The following EYS variants were observed in gnomAD, a reference collection of about 807,000 sequenced individuals.
The protein encoded by EYS is EGF-like photoreceptor maintenance factor.
A neutral mutation model predicts 282.1 loss-of-function variants in EYS; 250 were observed. The ratio of observed to expected loss-of-function variants is 0.89; its 90% CI spans 0.80 to 0.98. The LOEUF (loss-of-function observed/expected upper bound fraction) is 0.98, where lower values mean the gene tolerates loss of function less well. Ranked by LOEUF, EYS falls within the 50% of genes least tolerant of loss-of-function variation. EYS has a pLI of 0.00. For missense variants in EYS, 4,016 were observed against 3,709.0 expected (o/e 1.08, Z -2.15); for synonymous variants, 1,355 against 1,282.9 (o/e 1.06, Z -1.20).
chr6:64,129,197 A>G (rs1773883592), intron 31 of EYS, among the ~76,000 whole-genome samples: 1 of 152,178 alleles, frequency 6.6e-6, no homozygotes, highest in Non-Finnish European at 1.5e-5. Flanking sequence ...AAATTTTCAC[A>G]CACTAACTTC....
chr6:63,725,852 G>C (rs979814073), intron 42 of EYS, among the ~76,000 whole-genome samples: 2 of 152,014 alleles, frequency 1.3e-5, no homozygotes, highest in Non-Finnish European at 2.9e-5. Flanking sequence ...CATTTTCTGA[G>C]AGACAAGATC....
intron 22 of EYS, among the ~76,000 whole-genome samples, chr6:64,737,707 T>G (rs1410621236): frequency 6.6e-6 from 1 of 152,194 alleles, no homozygotes; most frequent in Non-Finnish European, 1.5e-5. Context: ...CCCAGTTTCT[T>G]ATGAACACAG....
chr6:64,049,338 T>C (rs1770731746), intron 33 of EYS, among the ~76,000 whole-genome samples: 1 of 152,206 alleles, frequency 6.6e-6, no homozygotes, highest in African/African-American at 2.4e-5. Context: ...CCTTATTTTC[T>C]GTTTAAATTG....
intron 29 of EYS, among the ~76,000 whole-genome samples, chr6:64,337,074 A>G (rs2150394125): frequency 6.6e-6 from 1 of 152,232 alleles, no homozygotes; most frequent in East Asian, 1.9e-4. Flanking sequence ...GAACTAAAGA[A>G]ACAAGAACAA....
At chr6:64,598,024 C>T (rs1169328620) in intron 24 of EYS, among the ~76,000 whole-genome samples, 1 of 151,934 alleles carries the variant, frequency 6.6e-6, no homozygotes, top group African/African-American at 2.4e-5. Flanking sequence ...TATGCGTCAA[C>T]TAAAAATAAA....
At chr6:64,219,696 T>C (rs898182391) in intron 31 of EYS, among the ~76,000 whole-genome samples, 3 of 152,230 alleles carry the variant, frequency 2.0e-5, no homozygotes, top group Non-Finnish European at 2.9e-5. Flanking sequence ...CCAGCACCTG[T>C]TGTTTCCTGA....
intron 2 of EYS, among the ~76,000 whole-genome samples, chr6:65,542,305 A>C (rs1305846123): frequency 6.6e-6 from 1 of 152,148 alleles, no homozygotes; most frequent in Admixed American, 6.6e-5. Flanking sequence ...TTTGACTCAG[A>C]CTTGATAGTT....
intron 31 of EYS, among the ~76,000 whole-genome samples, chr6:64,161,637 C>T (rs1413658648): frequency 6.6e-6 from 1 of 151,734 alleles, no homozygotes; most frequent in Admixed American, 6.6e-5. Flanking sequence ...AATGAGTCAC[C>T]GAAAGTGAAT....
chr6:63,802,914 C>A (rs1280330479), intron 37 of EYS, among the ~76,000 whole-genome samples: 1 of 152,116 alleles, frequency 6.6e-6, no homozygotes, highest in Non-Finnish European at 1.5e-5. Flanking sequence ...ATGCAATAAA[C>A]CTATAAATGC....
At chr6:65,607,608 CATCTT>C (rs1388829019) in intron 2 of EYS, among the ~76,000 whole-genome samples, 1 of 149,516 alleles carries the variant, frequency 6.7e-6, no homozygotes, top group Non-Finnish European at 1.5e-5. Flanking sequence ...TAATCAAACT[CATCTT>C]AAATTTATTT....
chr6:64,224,565 C>A (rs990818253), intron 31 of EYS, among the ~76,000 whole-genome samples: 1 of 152,014 alleles, frequency 6.6e-6, no homozygotes, highest in Non-Finnish European at 1.5e-5. Context: ...ATTCTGGTTT[C>A]TTTTAAGTAT....
intron 26 of EYS, among the ~76,000 whole-genome samples, chr6:64,558,422 A>G (rs139235040): frequency 1.6e-4 from 25 of 152,224 alleles, no homozygotes; most frequent in Non-Finnish European, 3.1e-4. Context: ...ATTACAATGC[A>G]TAGGACGGAC....
intron 30 of EYS, among the ~76,000 whole-genome samples, chr6:64,302,198 A>C (rs573984068): frequency 6.6e-6 from 1 of 152,240 alleles, no homozygotes; most frequent in South Asian, 2.1e-4. Context: ...AAGCCACCCA[A>C]TCACATCAAT....
intron 31 of EYS, among the ~76,000 whole-genome samples, chr6:64,126,982 T>C (rs1773808254): frequency 6.6e-6 from 1 of 152,120 alleles, no homozygotes; most frequent in Non-Finnish European, 1.5e-5. Context: ...GGGTTAGAGA[T>C]GACTGTGAAA....
intron 2 of EYS, among the ~76,000 whole-genome samples, chr6:65,593,871 C>G (rs1582495697): frequency 6.6e-6 from 1 of 151,444 alleles, no homozygotes; most frequent in African/African-American, 2.4e-5. Context: ...TAGAATGTAC[C>G]AGGTATTGTT....
At chr6:64,577,047 A>G (rs935112305) in intron 26 of EYS, among the ~76,000 whole-genome samples, 2 of 152,138 alleles carry the variant, frequency 1.3e-5, no homozygotes, top group African/African-American at 2.4e-5. Context: ...TGATGCAGCT[A>G]CAAGTCAAGA....
chr6:63,983,490 TC>T (rs1187413595), intron 35 of EYS, among the ~76,000 whole-genome samples: 1 of 151,820 alleles, frequency 6.6e-6, no homozygotes, highest in African/African-American at 2.4e-5. Context: ...CTTGTTTCTG[TC>T]TACCATTTTT....
chr6:64,553,374 C>G (rs1765146345), intron 26 of EYS, among the ~76,000 whole-genome samples: 1 of 152,022 alleles, frequency 6.6e-6, no homozygotes, highest in Non-Finnish European at 1.5e-5. Context: ...TTAAAGCTTT[C>G]TATTTATAGT....
chr6:64,252,422 A>T (rs1767247672), intron 30 of EYS, among the ~76,000 whole-genome samples: 1 of 152,152 alleles, frequency 6.6e-6, no homozygotes, highest in African/African-American at 2.4e-5. Flanking sequence ...AGTGCTTGTG[A>T]AAACAATCCA....
Sources: gnomAD v4.1 joint callset for allele counts (sites outside exome capture counted in the v4.1 genomes callset) on GRCh38, gnomAD v4.1.1 for gene constraint, MANE v1.5 for transcripts, NCBI Gene and HGNC (gene_info 2026-07-23, HGNC 2026-07-21) for gene names.